Variants in RALYL observed in about 807,000 individuals in gnomAD.
The protein encoded by RALYL is RNA-binding Raly-like protein.
In RALYL, 29 loss-of-function variants were observed where a neutral mutation model predicts 35.1. The observed-to-expected ratio is 0.83, with a 90% confidence interval of 0.61 to 1.13. RALYL has a LOEUF of 1.13. Among genes scored for constraint, RALYL ranks in the 50% most tolerant of loss-of-function variants. The pLI is 0.00. For synonymous variants in RALYL, 120 were observed against 127.6 expected, an observed-to-expected ratio of 0.94 and a Z score of 0.40; for missense variants, 359 against 360.4, an observed-to-expected ratio of 1.00 and a Z score of 0.03.
intron 1 of RALYL, among the ~76,000 whole-genome samples, chr8:84,426,242 G>C (rs924436203): frequency 6.6e-6 from 1 of 152,172 alleles, no homozygotes; most frequent in Middle Eastern, 3.4e-3. Flanking sequence ...TTTGTGGCAA[G>C]AGCAGCTAAA....
At chr8:84,402,317 C>G (rs1051906348) in intron 1 of RALYL, among the ~76,000 whole-genome samples, 1 of 152,132 alleles carries the variant, frequency 6.6e-6, no homozygotes, top group Non-Finnish European at 1.5e-5. Flanking sequence ...AGTTAATTCA[C>G]TATAAGAACT....
chr8:84,261,345 G>A (rs1352668421), intron 1 of RALYL, among the ~76,000 whole-genome samples: 1 of 152,164 alleles, frequency 6.6e-6, no homozygotes, highest in Admixed American at 6.5e-5. Flanking sequence ...GGGACCAGGT[G>A]GAGATAATAG....
intron 2 of RALYL, among the ~76,000 whole-genome samples, chr8:84,770,851 G>A (rs1815298035): frequency 6.6e-6 from 1 of 152,008 alleles, no homozygotes; most frequent in Admixed American, 6.6e-5. Context: ...ATCTTCTTTT[G>A]AGAATTGTTT....
At chr8:84,573,952 A>G (rs62528256) in intron 2 of RALYL, among the ~76,000 whole-genome samples, 3,792 of 150,666 alleles carry the variant, frequency 0.025, 89 homozygotes, top group South Asian at 0.076. Context: ...CTGCTCTTTC[A>G]TTTCTTTCTA....
intron 1 of RALYL, among the ~76,000 whole-genome samples, chr8:84,390,337 C>G (rs1860353684): frequency 6.6e-6 from 1 of 152,084 alleles, no homozygotes; most frequent in African/African-American, 2.4e-5. Context: ...ACTTTGGTAT[C>G]AGGATGATGC....
At chr8:84,248,224 T>C (rs1829502601) in intron 1 of RALYL, among the ~76,000 whole-genome samples, 1 of 152,110 alleles carries the variant, frequency 6.6e-6, no homozygotes, top group Admixed American at 6.6e-5. Flanking sequence ...GATATCTCTT[T>C]AGGATGCTCA....
intron 2 of RALYL, among the ~76,000 whole-genome samples, chr8:84,545,688 G>A (rs1049854464): frequency 5.3e-5 from 8 of 152,118 alleles, no homozygotes; most frequent in African/African-American, 1.9e-4. Context: ...CATAAATAGA[G>A]TATTTTCTCA....
chr8:84,620,062 A>G (rs1362644395), intron 2 of RALYL, among the ~76,000 whole-genome samples: 2 of 151,830 alleles, frequency 1.3e-5, no homozygotes, highest in Non-Finnish European at 2.9e-5. Context: ...GAATCTGACA[A>G]TTATGTGTCT....
chr8:84,199,865 A>T (rs538814611), intron 1 of RALYL, among the ~76,000 whole-genome samples: 3 of 152,212 alleles, frequency 2.0e-5, no homozygotes, highest in African/African-American at 4.8e-5. Flanking sequence ...ATTTAATCTC[A>T]GAGGTGAAGT....
intron 2 of RALYL, among the ~76,000 whole-genome samples, chr8:84,768,089 G>A (rs1814550600): frequency 6.6e-6 from 1 of 152,146 alleles, no homozygotes; most frequent in Non-Finnish European, 1.5e-5. Context: ...GCTTATGAGA[G>A]CGTAGAAAAT....
At chr8:84,554,403 G>A (rs2135481340) in intron 2 of RALYL, among the ~76,000 whole-genome samples, 1 of 152,234 alleles carries the variant, frequency 6.6e-6, no homozygotes, top group South Asian at 2.1e-4. Flanking sequence ...GTTGTCTAGT[G>A]TTTCTGTTAT....
At chr8:84,257,248 A>C (rs1831382391) in intron 1 of RALYL, among the ~76,000 whole-genome samples, 1 of 152,098 alleles carries the variant, frequency 6.6e-6, no homozygotes, top group African/African-American at 2.4e-5. Flanking sequence ...TCATCTGGTC[A>C]GTAAATGCAA....
chr8:84,451,091 G>T (rs2049421972), intron 1 of RALYL, among the ~76,000 whole-genome samples: 2 of 151,758 alleles, frequency 1.3e-5, no homozygotes, highest in South Asian at 4.2e-4. Flanking sequence ...TTTCTATTCG[G>T]GTAAATAAGA....
intron 2 of RALYL, among the ~76,000 whole-genome samples, chr8:84,540,142 A>G (rs968086472): frequency 2.6e-5 from 4 of 151,922 alleles, no homozygotes; most frequent in Admixed American, 1.3e-4. Context: ...GTATGTGTAC[A>G]ACAATGTCTC....
intron 1 of RALYL, among the ~76,000 whole-genome samples, chr8:84,229,229 G>A (rs1824746309): frequency 6.6e-6 from 1 of 152,134 alleles, no homozygotes; most frequent in South Asian, 2.1e-4. Flanking sequence ...CAGAAACATA[G>A]TCTCTTTCTT....
At chr8:84,218,019 T>C (rs758141661) in intron 1 of RALYL, among the ~76,000 whole-genome samples, 6 of 152,070 alleles carry the variant, frequency 3.9e-5, no homozygotes, top group Non-Finnish European at 8.8e-5. Context: ...TTCAAGTGAT[T>C]TGAAACTATT....
chr8:84,343,728 G>A (rs1849297128), intron 1 of RALYL, among the ~76,000 whole-genome samples: 1 of 151,730 alleles, frequency 6.6e-6, no homozygotes, highest in East Asian at 2.0e-4. Context: ...CTCCAGGGCT[G>A]AACCATTCCT....
intron 1 of RALYL, among the ~76,000 whole-genome samples, chr8:84,300,394 A>G (rs1018153061): frequency 6.6e-6 from 1 of 151,990 alleles, no homozygotes; most frequent in Non-Finnish European, 1.5e-5. Flanking sequence ...CCATTTACAA[A>G]TAATAGGAAT....
chr8:84,204,937 A>G, intron 1 of RALYL, among the ~76,000 whole-genome samples: 1 of 152,172 alleles, frequency 6.6e-6, no homozygotes, highest in East Asian at 1.9e-4. Context: ...TTCCTATTTT[A>G]TAGATGATAA....
Sources: allele counts gnomAD v4.1 joint callset (sites outside exome capture counted in the v4.1 genomes callset), GRCh38; gene constraint gnomAD v4.1.1; transcripts MANE v1.5; gene names NCBI Gene and HGNC (gene_info 2026-07-23, HGNC 2026-07-21).